Variants in KCNIP4 observed in about 807,000 individuals in gnomAD.
The protein encoded by KCNIP4 is potassium voltage-gated channel interacting protein 4, also known as Kv channel-interacting protein 4.
In KCNIP4, 12 loss-of-function variants were observed where a neutral mutation model predicts 34.0. The ratio of observed to expected loss-of-function variants is 0.35; its 90% CI spans 0.23 to 0.57. The LOEUF is 0.57. KCNIP4 is among the 20% of genes least tolerant of loss of function. The pLI, the probability that KCNIP4 is intolerant of heterozygous loss-of-function variation, is 0.83. For missense variants in KCNIP4, 238 were observed against 311.7 expected (o/e 0.76, Z 1.78); for synonymous variants, 124 against 102.2 (o/e 1.21, Z -1.29).
intron 1 of KCNIP4, among the ~76,000 whole-genome samples, chr4:20,974,067 C>T (rs1027606127): frequency 1.3e-5 from 2 of 152,140 alleles, no homozygotes; most frequent in African/African-American, 4.8e-5. Context: ...CACCAAAAGG[C>T]CTGCTCAGCA....
At chr4:20,933,477 G>A (rs939052393) in intron 1 of KCNIP4, among the ~76,000 whole-genome samples, 2 of 152,144 alleles carry the variant, frequency 1.3e-5, no homozygotes, top group African/African-American at 4.8e-5. Flanking sequence ...AATAGAAGGT[G>A]TTAAATTTAT....
intron 1 of KCNIP4, among the ~76,000 whole-genome samples, chr4:21,011,521 T>C (rs2149732712): frequency 6.6e-6 from 1 of 152,352 alleles, no homozygotes; most frequent in African/African-American, 2.4e-5. Context: ...TTGCACCTGC[T>C]TCTGGACTAT....
At chr4:21,100,529 G>A (rs558552676) in intron 1 of KCNIP4, among the ~76,000 whole-genome samples, 1 of 151,980 alleles carries the variant, frequency 6.6e-6, no homozygotes, top group East Asian at 1.9e-4. Flanking sequence ...TTTCAGCCTG[G>A]GTGACAGAGT....
chr4:21,543,539 G>A lies in KCNIP4; in HGVS notation c.61+405032C>T, dbSNP rs960833019. Among the ~76,000 whole-genome samples, 9 of 151,928 alleles carry A rather than the reference G, an allele frequency of 5.9e-5. No homozygotes were observed. In the East Asian group the frequency reaches 1.7e-3, roughly 29 times the overall value. ...AAACTTCAAAGCCAATTCAAAAACA[G>A]GGACCTAATACTGTTTATGTTGTTT... On this transcript the variant is annotated intron_variant, in intron 1 of 8. Coordinates refer to ENST00000382152, the MANE Select transcript of KCNIP4 (RefSeq NM_025221.6).
intron 1 of KCNIP4, among the ~76,000 whole-genome samples, chr4:21,654,031 A>C (rs940704448): frequency 4.6e-5 from 7 of 152,196 alleles, no homozygotes; most frequent in African/African-American, 1.7e-4. Flanking sequence ...TTTGCCATTA[A>C]CCTATTTATA....
rs1234212024 is a variant in KCNIP4 at position 20,730,055 on chromosome 4, T to TGTTGGATTCAGGATCTATTTG, written c.*6_*26dup. The TGTTGGATTCAGGATCTATTTG allele has an allele frequency of 2.5e-6, 4 of 1,600,264 alleles. No homozygotes were observed. The highest frequency in any genetic ancestry group is 3.4e-6 in the Non-Finnish European group (4 of 1,175,114). The stretch of plus-strand genomic sequence containing the variant: ...GGTGGTAGAATAGTTCACATTTGTC[T>TGTTGGATTCAGGATCTATTTG]GTTGGATTCAGGATCTATTTGACAA... On this transcript the variant is annotated 3_prime_UTR_variant, in exon 9 of 9. Transcript: ENST00000382152.
chr4:20,797,299 G>T lies in KCNIP4; in HGVS notation c.289-38409C>A, dbSNP rs970925692. On this transcript the variant is annotated intron_variant, in intron 3 of 8. Transcript: ENST00000382152. ...TGATATGTTGGTTTTGAACCCTAGG[G>T]TCTTTCAACATTATAATCAAGCATG... Among the ~76,000 whole-genome samples, 7 of 152,264 alleles carry T rather than the reference G, an allele frequency of 4.6e-5. No homozygotes were observed. The East Asian group carries it at 1.2e-3, about 25-fold the overall frequency.
chr4:21,465,514 A>G (rs982540347), intron 1 of KCNIP4, among the ~76,000 whole-genome samples: 4 of 152,142 alleles, frequency 2.6e-5, no homozygotes, highest in African/African-American at 9.7e-5. Flanking sequence ...TCCTAAGACC[A>G]CCAGTTGCAA....
At chr4:21,264,546 T>G (rs1761677261) in intron 1 of KCNIP4, among the ~76,000 whole-genome samples, 1 of 152,274 alleles carries the variant, frequency 6.6e-6, no homozygotes, top group Admixed American at 6.5e-5. Context: ...CATTTATTCC[T>G]GTGTAAAATG....
rs1004541379 is a variant in KCNIP4, at chr4:21,675,012, C to T, written c.61+273559G>A. Among the ~76,000 whole-genome samples, 3 of 152,126 alleles carry T rather than the reference C, an allele frequency of 2.0e-5. No homozygotes were observed. The South Asian group carries it at 6.2e-4, about 31-fold the overall frequency. ...CTGCACTCCTATGCTTATTGCAGCA[C>T]TACTTACAATAGCTAAGATTTGGAA... On this transcript the variant is annotated intron_variant, in intron 1 of 8. Coordinates refer to ENST00000382152, the MANE Select transcript of KCNIP4 (RefSeq NM_025221.6).
chr4:20,934,295 C>A (rs960538894), intron 1 of KCNIP4, among the ~76,000 whole-genome samples: 7 of 152,126 alleles, frequency 4.6e-5, no homozygotes, highest in African/African-American at 9.7e-5. Flanking sequence ...GTTCTTTAAC[C>A]CAATGTCATG....
At chr4:21,806,914 T>C (rs1434273350) in intron 1 of KCNIP4, among the ~76,000 whole-genome samples, 1 of 152,092 alleles carries the variant, frequency 6.6e-6, no homozygotes, top group Non-Finnish European at 1.5e-5. Context: ...ATTATATTTA[T>C]TGCACTTTAT....
chr4:20,949,734 C>G (rs1303462281), intron 1 of KCNIP4, among the ~76,000 whole-genome samples: 2 of 151,568 alleles, frequency 1.3e-5, no homozygotes, highest in Admixed American at 1.3e-4. Flanking sequence ...TGGAAATAAC[C>G]ATTCTCAGTA....
chr4:21,075,443 C>A (rs556766376), intron 1 of KCNIP4, among the ~76,000 whole-genome samples: 63 of 151,812 alleles, frequency 4.1e-4, no homozygotes, highest in East Asian at 1.9e-3. Flanking sequence ...CTGTTTTATC[C>A]GAGACTAGGA....
chr4:21,523,296 T>G (rs1393200225), intron 1 of KCNIP4, among the ~76,000 whole-genome samples: 2 of 152,118 alleles, frequency 1.3e-5, no homozygotes, highest in Non-Finnish European at 2.9e-5. Flanking sequence ...CTGTGCTAGA[T>G]GAGGTGATTA....
intron 1 of KCNIP4, among the ~76,000 whole-genome samples, chr4:21,286,403 T>C (rs1486897185): frequency 6.6e-6 from 1 of 152,192 alleles, no homozygotes; most frequent in African/African-American, 2.4e-5. Flanking sequence ...GGTCACATAT[T>C]TAAGCCACAC....
At chr4:21,921,539 G>A (rs563749059) in intron 1 of KCNIP4, among the ~76,000 whole-genome samples, 8 of 152,132 alleles carry the variant, frequency 5.3e-5, no homozygotes, top group East Asian at 1.9e-4. Flanking sequence ...AGCCAAAACC[G>A]AATTGGTTTT....
intron 1 of KCNIP4, among the ~76,000 whole-genome samples, chr4:21,483,739 G>T (rs1434290973): frequency 2.6e-5 from 4 of 151,840 alleles, no homozygotes; most frequent in Admixed American, 6.6e-5. Context: ...GCAGTGAGCC[G>T]AGATCATGCC....
intron 1 of KCNIP4, among the ~76,000 whole-genome samples, chr4:21,409,828 T>C (rs62295480): frequency 0.24 from 35,776 of 152,080 alleles, 5,127 homozygotes; most frequent in Non-Finnish European, 0.33. Context: ...CAACTTTTCA[T>C]GGGGAATTTG....
Sources: allele counts gnomAD v4.1 joint callset (sites outside exome capture counted in the v4.1 genomes callset), GRCh38; gene constraint gnomAD v4.1.1; transcripts MANE v1.5; gene names NCBI Gene and HGNC (gene_info 2026-07-23, HGNC 2026-07-21).